SLIT3: variants seen among roughly 807,000 people sequenced by gnomAD.
The protein encoded by SLIT3 is slit homolog 3 protein.
In SLIT3, 68 loss-of-function variants were observed where a neutral mutation model predicts 184.0. That is an observed-to-expected ratio of 0.37 (90% CI 0.30 to 0.45). The LOEUF is 0.45. Ranked by LOEUF, SLIT3 falls within the 20% of genes least tolerant of loss-of-function variation. The probability of loss-of-function intolerance (pLI) is 1.00; values close to 1 mark genes in which losing one functional copy is unlikely to be tolerated. For missense variants in SLIT3, 1,707 were observed against 2,026.0 expected, an observed-to-expected ratio of 0.84 and a Z score of 3.02; for synonymous variants, 831 against 828.6, an observed-to-expected ratio of 1.00 and a Z score of -0.05.
chr5:168,986,247 G>A (rs192518998), intron 4 of SLIT3, among the ~76,000 whole-genome samples: 25 of 152,226 alleles, frequency 1.6e-4, no homozygotes, highest in Admixed American at 9.2e-4. Flanking sequence ...CAAAAATCAC[G>A]ATCCCTATAT....
At chr5:168,781,585 A>G (rs145723196) in intron 12 of SLIT3, among the ~76,000 whole-genome samples, 2 of 152,276 alleles carry the variant, frequency 1.3e-5, no homozygotes, top group Non-Finnish European at 2.9e-5. Flanking sequence ...CTCCTTGACT[A>G]TCCTCTCATA....
chr5:168,705,390 T>C (rs1277812576), intron 26 of SLIT3, among the ~76,000 whole-genome samples: 1 of 152,218 alleles, frequency 6.6e-6, no homozygotes, highest in East Asian at 1.9e-4. Context: ...CAGTACATAG[T>C]AGATACTCAA....
At chr5:169,097,534 T>A (rs988781321) in intron 4 of SLIT3, among the ~76,000 whole-genome samples, 1 of 152,244 alleles carries the variant, frequency 6.6e-6, no homozygotes, top group Non-Finnish European at 1.5e-5. Flanking sequence ...ATTGTATTTA[T>A]CCAATATGCT....
At chr5:168,928,111 T>C (rs985625402) in intron 4 of SLIT3, among the ~76,000 whole-genome samples, 3 of 152,062 alleles carry the variant, frequency 2.0e-5, no homozygotes, top group African/African-American at 7.2e-5. Context: ...CCCAGGAGAG[T>C]GCTTGACAAA....
intron 10 of SLIT3, among the ~76,000 whole-genome samples, chr5:168,795,230 C>T (rs1756525389): frequency 6.6e-6 from 1 of 152,194 alleles, no homozygotes; most frequent in South Asian, 2.1e-4. Context: ...ATGGATTTTC[C>T]AGGCTAATTC....
chr5:169,278,189 C>G (rs1156446124), intron 1 of SLIT3, among the ~76,000 whole-genome samples: 1 of 152,166 alleles, frequency 6.6e-6, no homozygotes, highest in African/African-American at 2.4e-5. Context: ...ACAGAAGAGA[C>G]CCAGGCAGCA....
At position 168,776,067 on chromosome 5, in the gene SLIT3, G is replaced by A. The variant is rs528783179; in HGVS notation, c.1152-1689C>T. ...GTTGCATTTCAAGAATTTTACTTTC[G>A]AGGCTGGTTCAGCCCCTCCCTGGTG... On this transcript the variant is annotated intron_variant, in intron 12 of 35. Transcript: ENST00000519560. 1.7e-3 allele frequency among the ~76,000 whole-genome samples: 258 copies of A among 152,250 alleles called. 1 individual carries two copies. The highest frequency in any genetic ancestry group is 3.2e-3 in the Non-Finnish European group (217 of 68,030).
At chr5:168,672,930 C>G (rs10064825) in intron 33 of SLIT3, among the ~76,000 whole-genome samples, 5 of 152,168 alleles carry the variant, frequency 3.3e-5, no homozygotes, top group Non-Finnish European at 5.9e-5. Flanking sequence ...CCTGCCTCCC[C>G]CTTCTCACCC....
At chr5:169,105,725 G>C (rs1170493965) in intron 4 of SLIT3, among the ~76,000 whole-genome samples, 1 of 152,176 alleles carries the variant, frequency 6.6e-6, no homozygotes, top group Non-Finnish European at 1.5e-5. Context: ...TTCTGTTCCT[G>C]CATTAGTTTG....
intron 4 of SLIT3, among the ~76,000 whole-genome samples, chr5:169,104,009 G>A (rs1229876125): frequency 6.6e-6 from 1 of 152,226 alleles, no homozygotes; most frequent in African/African-American, 2.4e-5. Flanking sequence ...ACTTGTCAGG[G>A]ATCCTGTTAC....
intron 4 of SLIT3, among the ~76,000 whole-genome samples, chr5:168,905,004 TAAAATA>T (rs1385103898): frequency 6.6e-6 from 1 of 151,906 alleles, no homozygotes; most frequent in African/African-American, 2.4e-5. Context: ...CCATCTCTAC[TAAAATA>T]AAAATAAAAA....
chr5:169,296,829 C>T (rs1319791111), intron 1 of SLIT3, among the ~76,000 whole-genome samples: 1 of 152,224 alleles, frequency 6.6e-6, no homozygotes, highest in Non-Finnish European at 1.5e-5. Context: ...CCAGCATGTT[C>T]CAGAGCCAAG....
chr5:169,153,120 C>A (rs1231814899), intron 4 of SLIT3, among the ~76,000 whole-genome samples: 2 of 152,204 alleles, frequency 1.3e-5, no homozygotes, highest in South Asian at 2.1e-4. Flanking sequence ...CTTCGGCTGA[C>A]GTGGGCCAGG....
At chr5:169,026,495 C>T (rs1756828565) in intron 4 of SLIT3, 1 of 152,246 alleles carries the variant, frequency 6.6e-6, no homozygotes, top group East Asian at 1.9e-4. Flanking sequence ...CATGACACAA[C>T]CACACAATGG....
chr5:168,708,502 G>C (rs1762445428), intron 25 of SLIT3: 1 of 275,590 alleles, frequency 3.6e-6, no homozygotes, highest in African/African-American at 2.2e-5. Context: ...CCTCCCCATG[G>C]AATAGTCTGT....
At chr5:169,289,308 A>G (rs1406909244) in intron 1 of SLIT3, among the ~76,000 whole-genome samples, 2 of 152,250 alleles carry the variant, frequency 1.3e-5, no homozygotes, top group Non-Finnish European at 2.9e-5. Flanking sequence ...TGGAGAGAGA[A>G]GAAGAGGAGA....
At chr5:169,121,373 G>A (rs995651604) in intron 4 of SLIT3, among the ~76,000 whole-genome samples, 12 of 152,102 alleles carry the variant, frequency 7.9e-5, no homozygotes, top group African/African-American at 2.7e-4. Flanking sequence ...TAGACCCATC[G>A]GCCACTGGGG....
intron 4 of SLIT3, among the ~76,000 whole-genome samples, chr5:168,907,971 TATATATATAGAG>T (rs1297433415): frequency 1.1e-4 from 8 of 71,110 alleles, no homozygotes; most frequent in Non-Finnish European, 1.9e-4. Context: ...TATATATATA[TATATATATAGAG>T]AGAGAGAGAG....
chr5:168,867,640 A>AGT (rs1175812270), intron 5 of SLIT3, among the ~76,000 whole-genome samples: 2 of 152,368 alleles, frequency 1.3e-5, no homozygotes. Context: ...GTCCAGGAAC[A>AGT]GTGCTCTGCT....
Sources: allele counts gnomAD v4.1 joint callset (sites outside exome capture counted in the v4.1 genomes callset), GRCh38; gene constraint gnomAD v4.1.1; transcripts MANE v1.5; gene names NCBI Gene and HGNC (gene_info 2026-07-23, HGNC 2026-07-21).